Variants in ITGB6 observed in about 807,000 individuals in gnomAD.
The protein encoded by ITGB6 is integrin subunit beta 6.
Under a neutral mutation model 84.5 loss-of-function variants are expected in ITGB6, and 80 were observed. The observed-to-expected ratio is 0.95, with a 90% CI of 0.79 to 1.14. The LOEUF (loss-of-function observed/expected upper bound fraction) is 1.14, where lower values mean the gene tolerates loss of function less well. Among genes scored for constraint, ITGB6 ranks in the 50% most tolerant of loss-of-function variants. ITGB6 has a pLI of 0.00. For missense variants in ITGB6, 1,006 were observed against 968.0 expected, an observed-to-expected ratio of 1.04 and a Z score of -0.52; for synonymous variants, 383 against 354.9, an observed-to-expected ratio of 1.08 and a Z score of -0.89.
intron 8 of ITGB6, among the ~76,000 whole-genome samples, chr2:160,140,553 G>A (rs998552913): frequency 6.6e-6 from 1 of 152,214 alleles, no homozygotes. Flanking sequence ...TTCTGATACA[G>A]TGAAGGATTG....
At chr2:160,131,545 A>G (rs1341610886) in intron 10 of ITGB6, among the ~76,000 whole-genome samples, 1 of 152,110 alleles carries the variant, frequency 6.6e-6, no homozygotes, top group Non-Finnish European at 1.5e-5. Flanking sequence ...TCCCTGCACT[A>G]AGCACAATGC....
At chr2:160,178,094 C>T (rs1321506249) in intron 4 of ITGB6, among the ~76,000 whole-genome samples, 4 of 152,156 alleles carry the variant, frequency 2.6e-5, no homozygotes, top group East Asian at 1.9e-4. Context: ...AGGCTGGTCT[C>T]GAGCTCCTGA....
At chr2:160,178,491 T>C (rs1462571015) in intron 4 of ITGB6, among the ~76,000 whole-genome samples, 1 of 152,168 alleles carries the variant, frequency 6.6e-6, no homozygotes, top group African/African-American at 2.4e-5. Flanking sequence ...GCTATGTAGA[T>C]TTTACTAGAA....
At chr2:160,171,767 T>C (rs1685215844) in intron 6 of ITGB6, among the ~76,000 whole-genome samples, 1 of 152,188 alleles carries the variant, frequency 6.6e-6, no homozygotes, top group South Asian at 2.1e-4. Flanking sequence ...TATTTCTACA[T>C]AGAGATGCAC....
chr2:160,176,094 GCTT>G (rs1455161457), intron 4 of ITGB6, among the ~76,000 whole-genome samples: 82 of 152,234 alleles, frequency 5.4e-4, no homozygotes, highest in African/African-American at 1.9e-3. Context: ...ATGTCCCCAG[GCTT>G]CAGAACTAGG....
rs556716266 is a variant in ITGB6 at position 160,183,763 on chromosome 2, A to G, written c.594-9624T>C. On this transcript the variant is annotated intron_variant, in intron 4 of 14. Transcript: ENST00000283249. ...AAGTAAAACACTCCTCAGCAAACGC[A>G]AAAGAATGGAAATCATAACAAACAG... Among the ~76,000 whole-genome samples, 13 of 152,360 alleles carry G rather than the reference A, an allele frequency of 8.5e-5. No individual in the cohort carries two copies. In the South Asian group the frequency reaches 2.7e-3, roughly 32 times the overall value.
At chr2:160,178,695 T>G (rs1259017105) in intron 4 of ITGB6, among the ~76,000 whole-genome samples, 1 of 147,840 alleles carries the variant, frequency 6.8e-6, no homozygotes, top group Non-Finnish European at 1.5e-5. Flanking sequence ...TCTCTTTTTT[T>G]TTTTTTTTTT....
At chr2:160,129,676 T>A (rs1373850552) in intron 10 of ITGB6, among the ~76,000 whole-genome samples, 1 of 152,210 alleles carries the variant, frequency 6.6e-6, no homozygotes, top group East Asian at 1.9e-4. Flanking sequence ...GGATTCTACT[T>A]GCAGGAGACA....
intron 12 of ITGB6, among the ~76,000 whole-genome samples, chr2:160,117,842 G>A (rs1375535230): frequency 5.3e-5 from 8 of 152,134 alleles, no homozygotes; most frequent in African/African-American, 9.7e-5. Context: ...TATCACCACC[G>A]ATCCCACAGA....
intron 12 of ITGB6, among the ~76,000 whole-genome samples, chr2:160,119,827 A>G (rs1031207775): frequency 4.4e-4 from 67 of 152,290 alleles, no homozygotes; most frequent in Non-Finnish European, 7.9e-4. Context: ...CAAGAAAAAA[A>G]CAAACAACCC....
chr2:160,169,683 C>T (rs992824179), intron 6 of ITGB6, among the ~76,000 whole-genome samples: 4 of 152,092 alleles, frequency 2.6e-5, no homozygotes, highest in Non-Finnish European at 5.9e-5. Context: ...ATTCCTCAGT[C>T]GAGGGAGGGG....
chr2:160,115,260 T>C (rs1682715112), intron 12 of ITGB6, among the ~76,000 whole-genome samples: 1 of 152,230 alleles, frequency 6.6e-6, no homozygotes, highest in African/African-American at 2.4e-5. Flanking sequence ...AGGGGCAGAC[T>C]GACACCTCAC....
At chr2:160,118,102 C>T (rs548830037) in intron 12 of ITGB6, among the ~76,000 whole-genome samples, 2 of 152,286 alleles carry the variant, frequency 1.3e-5, no homozygotes, top group South Asian at 4.1e-4. Context: ...GGAGCTGGTA[C>T]CACTCCTTCT....
At chr2:160,105,388 T>C (rs1314153946) in intron 14 of ITGB6, among the ~76,000 whole-genome samples, 1 of 152,228 alleles carries the variant, frequency 6.6e-6, no homozygotes, top group Non-Finnish European at 1.5e-5. Flanking sequence ...TAAAATGTTA[T>C]TTTAAAGATA....
At position 160,196,306 on chromosome 2, in the gene ITGB6, T is replaced by C; in HGVS notation, c.256A>G (p.Lys86Glu). 6.8e-6 allele frequency: 11 copies of C among 1,614,108 alleles called. No homozygotes were observed. Among genetic ancestry groups the C allele is most frequent in the Non-Finnish European group, 9.3e-6 (11 of 1,179,984 alleles). ...ENPVSQVEIL[K>E]NKPLSVGRQK... ...CTGCCTACACTGAGAGGCTTATTTT[T>C]AAGTATTTCTACTTGGGAGACAGGG... Residue 86 changes from lysine to glutamate, a missense_variant, in exon 3 of 15, where the codon AAA becomes GAA. By Grantham distance (56) the Lys-to-Glu change is moderately conservative. Coordinates refer to ENST00000283249, the MANE Select transcript of ITGB6 (RefSeq NM_000888.5).
chr2:160,171,613 C>A (rs375394996), intron 6 of ITGB6, among the ~76,000 whole-genome samples: 1 of 152,158 alleles, frequency 6.6e-6, no homozygotes, highest in African/African-American at 2.4e-5. Flanking sequence ...GGATTATAGG[C>A]GTGAGCCAAC....
chr2:160,139,840 C>T (rs578034309), intron 8 of ITGB6, among the ~76,000 whole-genome samples: 26 of 152,272 alleles, frequency 1.7e-4, no homozygotes, highest in Admixed American at 9.8e-4. Flanking sequence ...CTTGGGATTG[C>T]TGATATTTCG....
chr2:160,113,059 A>G (rs1424809037), intron 12 of ITGB6, among the ~76,000 whole-genome samples: 2 of 152,228 alleles, frequency 1.3e-5, no homozygotes, highest in Non-Finnish European at 2.9e-5. Flanking sequence ...AGACTTTTCA[A>G]TGATGGTTAC....
intron 4 of ITGB6, among the ~76,000 whole-genome samples, chr2:160,186,170 C>G (rs1287655394): frequency 1.3e-5 from 2 of 151,492 alleles, no homozygotes; most frequent in South Asian, 2.1e-4. Context: ...AAACTATTAT[C>G]AGAGTGAACA....
Sources: gnomAD v4.1 joint callset for allele counts (sites outside exome capture counted in the v4.1 genomes callset) on GRCh38, gnomAD v4.1.1 for gene constraint, MANE v1.5 for transcripts, NCBI Gene and HGNC (gene_info 2026-07-23, HGNC 2026-07-21) for gene names.